The following TLN2 variants were observed in gnomAD, a reference collection of about 807,000 sequenced individuals.
The protein encoded by TLN2 is talin-2.
Under a neutral mutation model 294.7 loss-of-function variants are expected in TLN2, and 118 were observed. That is an observed-to-expected ratio of 0.40 (90% CI 0.34 to 0.47). The LOEUF is 0.47. Ranked by LOEUF, TLN2 falls within the 20% of genes least tolerant of loss-of-function variation. The pLI is 0.84. For synonymous variants in TLN2, 1,431 were observed against 1,304.5 expected, an observed-to-expected ratio of 1.10 and a Z score of -2.09; for missense variants, 3,083 against 3,282.2, an observed-to-expected ratio of 0.94 and a Z score of 1.48.
intron 18 of TLN2, 126 bp from the exon 19 acceptor site, chr15:62,702,640 C>G (rs2058786315): frequency 1.1e-6 from 1 of 872,340 alleles, no homozygotes; most frequent in Admixed American, 2.1e-5. Context: ...TGGCAGACCA[C>G]CTGAGATTCT....
At chr15:62,532,666 CA>C (rs2041113481) in intron 1 of TLN2, among the ~76,000 whole-genome samples, 1 of 152,110 alleles carries the variant, frequency 6.6e-6, no homozygotes, top group Admixed American at 6.5e-5. Context: ...GATTTAGCAA[CA>C]AAACCATGCC....
At chr15:62,662,131 G>C (rs2053918433) in intron 9 of TLN2, among the ~76,000 whole-genome samples, 1 of 151,676 alleles carries the variant, frequency 6.6e-6, no homozygotes, top group Non-Finnish European at 1.5e-5. Flanking sequence ...AAACCCAAAA[G>C]CTGGCTCTTT....
In TLN2 at chr15:62,526,448, G is replaced by A. The variant is rs967808514; in HGVS notation, c.-237-63239G>A. 7.4e-4 allele frequency among the ~76,000 whole-genome samples: 113 copies of A among 152,256 alleles called. 1 individual carries two copies. Among genetic ancestry groups the A allele is most frequent in the African/African-American group, 2.7e-3 (113 of 41,552 alleles). On this transcript the variant is annotated intron_variant, in intron 1 of 58. Transcript: ENST00000636159. ...TCATTCTTGTGCACTCTGACTCAAT[G>A]ATATGCGTCGCTGGAACTTCGCTTC...
chr15:62,792,191 C>G (rs1417971537), intron 45 of TLN2, among the ~76,000 whole-genome samples: 1 of 152,078 alleles, frequency 6.6e-6, no homozygotes, highest in Non-Finnish European at 1.5e-5. Flanking sequence ...CATTTTGAAC[C>G]TCTAATTACC....
rs2070978236 is a variant in TLN2, at chr15:62,844,149, G to C, written c.*3539G>C. 1 of 152,114 alleles carries C rather than the reference G, an allele frequency of 6.6e-6. No individual in the cohort carries two copies. The highest frequency in any genetic ancestry group is 2.4e-5 in the African/African-American group (1 of 41,406). 9.4% of individuals were successfully genotyped at this position (152,114 alleles called of 1,614,324 possible). A position where few individuals can be genotyped will look rare whatever the true frequency, so the allele number is the denominator to read the frequency against. On this transcript the variant is annotated 3_prime_UTR_variant, in exon 59 of 59. Transcript: ENST00000636159. ...GACAACTGTGCCAGTAGTGGCTCTG[G>C]TCCTATCTCTCCACAGTGCTGGCCT...
chr15:62,798,775 C>T (rs773918439), intron 48 of TLN2, among the ~76,000 whole-genome samples: 1 of 152,242 alleles, frequency 6.6e-6, no homozygotes, highest in Non-Finnish European at 1.5e-5. Flanking sequence ...TCCCTGACAG[C>T]ACCCATGAGT....
chr15:62,688,634 T>G (rs116156976), intron 12 of TLN2, among the ~76,000 whole-genome samples: 2 of 152,180 alleles, frequency 1.3e-5, no homozygotes, highest in East Asian at 3.8e-4. Context: ...TGGATTTTTC[T>G]ACTTTTTCTT....
At chr15:62,407,255 C>T (rs560990587) in intron 1 of TLN2, among the ~76,000 whole-genome samples, 37 of 152,202 alleles carry the variant, frequency 2.4e-4, no homozygotes, top group East Asian at 1.7e-3. Flanking sequence ...TTTGAGGAAG[C>T]TAAGATGTAG....
intron 1 of TLN2, among the ~76,000 whole-genome samples, chr15:62,525,740 A>G (rs2040698303): frequency 6.6e-6 from 1 of 152,158 alleles, no homozygotes; most frequent in African/African-American, 2.4e-5. Context: ...TTCTGTCTGT[A>G]AGGTCCCTTT....
intron 1 of TLN2, among the ~76,000 whole-genome samples, chr15:62,576,595 A>ATTTT (rs3055751): frequency 9.7e-6 from 1 of 103,048 alleles, no homozygotes; most frequent in African/African-American, 3.8e-5. Flanking sequence ...ATTGCTCTGT[A>ATTTT]TTTTTTTTTT....
chr15:62,516,604 C>T lies in TLN2; in HGVS notation c.-237-73083C>T, dbSNP rs535770945. Among the ~76,000 whole-genome samples, 194 of 152,276 alleles carry T rather than the reference C, an allele frequency of 1.3e-3. 1 individual carries two copies. Among genetic ancestry groups the T allele is most frequent in the Admixed American group, 5.9e-4 (9 of 15,296 alleles). ...CATGCTTGCTTCTGGACAGCTGTTG[C>T]AGCCTTGATCCGCCTCTTGTCTCTT... On this transcript the variant is annotated intron_variant, in intron 1 of 58. Transcript: ENST00000636159.
At chr15:62,511,673 A>T (rs1410989767) in intron 1 of TLN2, among the ~76,000 whole-genome samples, 1 of 151,532 alleles carries the variant, frequency 6.6e-6, no homozygotes, top group Non-Finnish European at 1.5e-5. Context: ...GGTATGCTTC[A>T]TGGAGTTCAC....
At chr15:62,479,163 C>T (rs754483132) in intron 1 of TLN2, among the ~76,000 whole-genome samples, 1 of 152,180 alleles carries the variant, frequency 6.6e-6, no homozygotes, top group South Asian at 2.1e-4. Context: ...AGTCAAGCCT[C>T]TGGAGCTTGG....
intron 3 of TLN2, among the ~76,000 whole-genome samples, chr15:62,643,176 T>C (rs1279682212): frequency 6.6e-6 from 1 of 152,184 alleles, no homozygotes; most frequent in Non-Finnish European, 1.5e-5. Flanking sequence ...TCAGTGATCA[T>C]CTTGGGTGAA....
chr15:62,438,311 C>T (rs948358211), intron 1 of TLN2, among the ~76,000 whole-genome samples: 7 of 22,686 alleles, frequency 3.1e-4, no homozygotes, highest in Admixed American at 8.6e-4. Flanking sequence ...TATTACACTT[C>T]TCCCTTGTGG....
chr15:62,726,337 G>A (rs939849229), intron 27 of TLN2, among the ~76,000 whole-genome samples: 1 of 152,158 alleles, frequency 6.6e-6, no homozygotes, highest in African/African-American at 2.4e-5. Flanking sequence ...GGTTTAAAAT[G>A]CATTTGTTTT....
At chr15:62,492,670 G>C (rs1056920581) in intron 1 of TLN2, among the ~76,000 whole-genome samples, 2 of 150,702 alleles carry the variant, frequency 1.3e-5, no homozygotes, top group Non-Finnish European at 3.0e-5. Context: ...TTTTTTCAAC[G>C]CATTTCCCCC....
At chr15:62,833,790 C>A in intron 55 of TLN2, 161 bp downstream of exon 55, 1 of 1,057,446 alleles carries the variant, frequency 9.5e-7, no homozygotes, top group Non-Finnish European at 1.3e-6. Context: ...AAACTACAGC[C>A]TTCAGACCAA....
chr15:62,755,508 C>G, intron 36 of TLN2, 24 bp from the exon 37 acceptor site: 1 of 1,612,200 alleles, frequency 6.2e-7, no homozygotes, highest in Non-Finnish European at 8.5e-7. Flanking sequence ...TGGGGTACCC[C>G]CAACCTAGCT....
Sources: allele counts gnomAD v4.1 joint callset (sites outside exome capture counted in the v4.1 genomes callset), GRCh38; gene constraint gnomAD v4.1.1; transcripts MANE v1.5; gene names NCBI Gene and HGNC (gene_info 2026-07-23, HGNC 2026-07-21).